KIAA1671: variants seen among roughly 807,000 people sequenced by gnomAD.
KIAA1671 encodes the protein uncharacterized protein KIAA1671.
In KIAA1671, 52 loss-of-function variants were observed where a neutral mutation model predicts 131.2. The ratio of observed to expected loss-of-function variants is 0.40; its 90% CI spans 0.32 to 0.50. The LOEUF (loss-of-function observed/expected upper bound fraction) is 0.50, where lower values mean the gene tolerates loss of function less well. Among genes scored for constraint, KIAA1671 ranks in the 20% least tolerant of loss-of-function variants. The probability of loss-of-function intolerance (pLI) is 0.73; values close to 1 mark genes in which losing one functional copy is unlikely to be tolerated. For missense variants in KIAA1671, 2,360 were observed against 2,364.2 expected (o/e 1.00, Z 0.04); for synonymous variants, 1,003 against 961.6 (o/e 1.04, Z -0.80).
chr22:24,985,530 G>C (rs1216715653), intron 1 of KIAA1671, among the ~76,000 whole-genome samples: 2 of 152,060 alleles, frequency 1.3e-5, no homozygotes, highest in Non-Finnish European at 2.9e-5. Context: ...TAGTAAAGAT[G>C]GGGTTTCACC....
At position 24,996,347 on chromosome 22, in the gene KIAA1671, C is replaced by A. The variant is rs191998919; in HGVS notation, c.-207-29286C>A. Among the ~76,000 whole-genome samples the A allele has an allele frequency of 1.9e-3, 285 of 152,116 alleles. 1 individual carries two copies. The highest frequency in any genetic ancestry group is 1.3e-3 in the Non-Finnish European group (87 of 67,994). On this transcript the variant is annotated intron_variant, in intron 1 of 12. Coordinates refer to ENST00000358431, the MANE Select transcript of KIAA1671 (RefSeq NM_001145206.2). ...GGCATCGGGAACCAGCGAGGAGACC[C>A]TCCCCACATGTGCACTCACACGAGC...
chr22:24,999,266 G>A (rs1411572246), intron 1 of KIAA1671, among the ~76,000 whole-genome samples: 1 of 152,136 alleles, frequency 6.6e-6, no homozygotes, highest in African/African-American at 2.4e-5. Context: ...ATAGGGTCTT[G>A]CTCTGTCACC....
At chr22:24,958,853 A>T (rs1315128748) in intron 1 of KIAA1671, among the ~76,000 whole-genome samples, 3 of 150,526 alleles carry the variant, frequency 2.0e-5, no homozygotes, top group Admixed American at 2.0e-4. Flanking sequence ...ATGGTGGCAC[A>T]TGCCTGTAAT....
Position 25,128,496 on chromosome 22 carries a change from C to T in KIAA1671, c.4531-42324C>T, listed in dbSNP as rs368901515. 5.3e-5 allele frequency among the ~76,000 whole-genome samples: 8 copies of T among 152,290 alleles called. No individual in the cohort carries two copies. The East Asian group carries it at 1.5e-3, about 29-fold the overall frequency. On this transcript the variant is annotated intron_variant, in intron 6 of 12. Coordinates refer to ENST00000358431, the MANE Select transcript of KIAA1671 (RefSeq NM_001145206.2). Reference sequence around the variant, plus strand: ...TTCTGAATTTCCTGTTCAACAGCAACTTGTGTCCATGAGGGCAAGTCTCCC... The same window carrying T: ...TTCTGAATTTCCTGTTCAACAGCAATTTGTGTCCATGAGGGCAAGTCTCCC...
intron 10 of KIAA1671, among the ~76,000 whole-genome samples, chr22:25,182,544 C>A (rs6004469): frequency 0.03 from 4,533 of 152,280 alleles, 101 homozygotes; most frequent in Middle Eastern, 0.061. Flanking sequence ...GCTTCACCCA[C>A]ATGATAGTAT....
intron 6 of KIAA1671, among the ~76,000 whole-genome samples, chr22:25,170,094 T>G (rs1003741433): frequency 2.4e-4 from 36 of 152,094 alleles, no homozygotes; most frequent in Non-Finnish European, 5.0e-4. Context: ...TTTATATTTT[T>G]AGTAGAGATG....
intron 7 of KIAA1671, 79 bp from the exon 8 acceptor site, chr22:25,174,161 T>C (rs1002826979): frequency 1.5e-5 from 22 of 1,451,790 alleles, no homozygotes; most frequent in Non-Finnish European, 1.5e-5. Flanking sequence ...CTATGCTGCC[T>C]GCAGCATCCT....
intron 1 of KIAA1671, among the ~76,000 whole-genome samples, chr22:25,005,346 TAA>T (rs569086369): frequency 3.7e-4 from 41 of 111,404 alleles, no homozygotes; most frequent in Admixed American, 7.0e-4. Flanking sequence ...AGACTCCATC[TAA>T]AAAAAAAAAA....
chr22:25,013,635 T>G (rs930526947), intron 1 of KIAA1671: 2 of 152,228 alleles, frequency 1.3e-5, no homozygotes, highest in African/African-American at 4.8e-5. Context: ...TCAAGCATTG[T>G]GCTGCTGTGT....
At position 25,040,409 on chromosome 22, in the gene KIAA1671, G is replaced by T; in HGVS notation, c.3279G>T (p.Glu1093Asp). ...GTAAAAACTGGATGAAGGGACGAGA[G>T]CATGAAAATGCAAGCATTTTAAAAA... ...AGSKNWMKGR[E>D]HENASILKTL... Residue 1093 changes from glutamate to aspartate, a missense_variant, in exon 5 of 13, where the codon GAG becomes GAT. Physicochemically the swap from Glu to Asp is conservative, Grantham distance 45 (BLOSUM62 2). Around this residue, in one of 3 missense-constraint regions of KIAA1671, gnomAD observed 1,161 missense variants for 1,204.7 expected, o/e 0.96. Transcript: ENST00000358431. 6.4e-7 allele frequency: 1 copy of T among 1,552,006 alleles called. No individual in the cohort carries two copies. Among genetic ancestry groups the T allele is most frequent in the Non-Finnish European group, 8.7e-7 (1 of 1,147,052 alleles).
chr22:25,068,476 A>G (rs944578962), intron 6 of KIAA1671, among the ~76,000 whole-genome samples: 8 of 151,166 alleles, frequency 5.3e-5, no homozygotes, highest in Admixed American at 1.3e-4. Flanking sequence ...TCACTCTGTC[A>G]CCCAGGCTGG....
rs575033137 is a variant in KIAA1671 at position 25,089,131 on chromosome 22, G to C, written c.4530+39767G>C. Among the ~76,000 whole-genome samples the C allele has an allele frequency of 3.3e-5, 5 of 152,218 alleles. No individual in the cohort carries two copies. In the East Asian group the frequency reaches 9.7e-4, roughly 29 times the overall value. ...TAGAGATGATTTAATGTGTGTAGGA[G>C]GATGTGTGTAGGTCCCATGCAAATA... On this transcript the variant is annotated intron_variant, in intron 6 of 12. Coordinates refer to ENST00000358431, the MANE Select transcript of KIAA1671 (RefSeq NM_001145206.2).
chr22:25,019,094 T>TGTGTG (rs1270822751), intron 1 of KIAA1671, among the ~76,000 whole-genome samples: 3 of 117,302 alleles, frequency 2.6e-5, no homozygotes, highest in African/African-American at 4.2e-5. Context: ...GTGTGTGTGT[T>TGTGTG]TTAATTAAGT....
chr22:24,953,601 CCCACCCGGGCTCA>C (rs1202135279), intron 1 of KIAA1671, among the ~76,000 whole-genome samples: 3 of 152,034 alleles, frequency 2.0e-5, no homozygotes, highest in Non-Finnish European at 2.9e-5. Flanking sequence ...GGCGGCGCGG[CCCACCCGGGCTCA>C]CGGGTGGGGC....
In KIAA1671 at chr22:25,041,230, C is replaced by T; in HGVS notation, c.4100C>T (p.Pro1367Leu). ...GSGVRVSPKS[P>L]PTDQKKGTPR... ...GGGGTCAGGGTGTCACCCAAATCGCCCCCCACTGACCAGAAGAAAGGGACC... is the reference window on the plus strand; with the variant it reads ...GGGGTCAGGGTGTCACCCAAATCGCTCCCCACTGACCAGAAGAAAGGGACC... The change falls in exon 5 of 13, where the codon CCC (proline) becomes CTC (leucine). Residue 1367 changes from proline (P) to leucine (L), a missense_variant. Pro to Leu is a moderately conservative substitution (Grantham distance 98). This residue lies in a region of KIAA1671 where 1,161 missense variants were observed against 1,204.7 expected (regional missense o/e 0.96). Transcript: ENST00000358431. 1 of 1,551,752 alleles carries T rather than the reference C, an allele frequency of 6.4e-7. No homozygotes were observed. The highest frequency in any genetic ancestry group is 2.4e-5 in the East Asian group (1 of 40,922).
In KIAA1671 at chr22:25,085,384, T is replaced by G. The variant is rs1929650253; in HGVS notation, c.4530+36020T>G. 2.0e-5 allele frequency among the ~76,000 whole-genome samples: 3 copies of G among 152,264 alleles called. No individual in the cohort carries two copies. The South Asian group carries it at 6.2e-4, about 32-fold the overall frequency. The stretch of plus-strand genomic sequence containing the variant: ...TCTTTTTCTCTTCCTCCTCTGAACT[T>G]AGAATATTCCTTGAGTTCTTGAAAA... On this transcript the variant is annotated intron_variant, in intron 6 of 12. Coordinates refer to ENST00000358431, the MANE Select transcript of KIAA1671 (RefSeq NM_001145206.2).
intron 1 of KIAA1671, among the ~76,000 whole-genome samples, chr22:24,983,673 T>C (rs1040001629): frequency 5.9e-5 from 8 of 136,000 alleles, no homozygotes; most frequent in African/African-American, 2.2e-4. Flanking sequence ...GCTAGGGCTT[T>C]CTGGCAGGAG....
In KIAA1671 at chr22:25,040,242, CAAA is replaced by C; in HGVS notation, c.3114_3116del (p.Lys1039del). The stretch of plus-strand genomic sequence containing the variant: ...AGTCACCTATCAGATTCCCAATACT[CAAA>C]AGGCAAAGGGTGTGGTTCTGTCAGG... On this transcript the variant is annotated inframe_deletion, in exon 5 of 13. Transcript: ENST00000358431. 1 of 1,551,684 alleles carries C rather than the reference CAAA, an allele frequency of 6.4e-7. No individual in the cohort carries two copies. The highest frequency in any genetic ancestry group is 1.7e-4 in the Middle Eastern group (1 of 5,992).
intron 1 of KIAA1671, chr22:25,014,757 CGTT>C (rs1218990708): frequency 3.9e-5 from 6 of 152,018 alleles, no homozygotes; most frequent in African/African-American, 1.5e-4. Flanking sequence ...ATTTTTCTGT[CGTT>C]ATCATGTGGA....
Sources: gnomAD v4.1 joint callset for allele counts (sites outside exome capture counted in the v4.1 genomes callset) on GRCh38, gnomAD v4.1.1 for gene constraint, gnomAD v4.1.1 regional missense constraint, MANE v1.5 for transcripts, NCBI Gene and HGNC (gene_info 2026-07-23, HGNC 2026-07-21) for gene names.